Variants in SOBP observed in about 807,000 individuals in gnomAD.
SOBP encodes sine oculis-binding protein homolog.
SOBP carries 4 observed loss-of-function variants against 53.6 expected under a neutral mutation model. The observed-to-expected ratio is 0.07, with a 90% CI of 0.04 to 0.17. The LOEUF (loss-of-function observed/expected upper bound fraction) is 0.17. Among genes scored for constraint, SOBP ranks in the 10% least tolerant of loss-of-function variants. The pLI is 1.00. For synonymous variants in SOBP, 584 were observed against 522.6 expected, an observed-to-expected ratio of 1.12 and a Z score of -1.60; for missense variants, 1,088 against 1,204.7, an observed-to-expected ratio of 0.90 and a Z score of 1.43.
intron 3 of SOBP, among the ~76,000 whole-genome samples, chr6:107,525,517 ACT>A (rs953211861): frequency 6.6e-6 from 1 of 152,086 alleles, no homozygotes; most frequent in African/African-American, 2.4e-5. Context: ...TTTGAATTTG[ACT>A]CTGGAGTCAC....
At chr6:107,593,880 G>C (rs1051827030) in intron 5 of SOBP, among the ~76,000 whole-genome samples, 19 of 152,198 alleles carry the variant, frequency 1.2e-4, no homozygotes, top group Non-Finnish European at 1.8e-4. Context: ...TTTTAATTTG[G>C]GTAAAAGAAC....
At chr6:107,510,788 G>A (rs1021948966) in intron 3 of SOBP, 1 of 152,160 alleles carries the variant, frequency 6.6e-6, no homozygotes, top group African/African-American at 2.4e-5. Context: ...AACAAATAAA[G>A]GGTACAGTGG....
In SOBP at chr6:107,635,386, C is replaced by A; in HGVS notation, c.2542C>A (p.Pro848Thr). The change falls in exon 6 of 7, where the codon CCC becomes ACC. Residue 848 changes from proline to threonine, a missense_variant. Around this residue, in one of 6 missense-constraint regions of SOBP, gnomAD observed 665 missense variants for 629.7 expected, o/e 1.06. Coordinates refer to ENST00000317357, the MANE Select transcript of SOBP (RefSeq NM_018013.4). This position sits in a 1 kb window ranked among gnomAD's most constrained non-coding sequence, Gnocchi z 4.5. Reference sequence around the variant, plus strand: ...CATGGCACCGTGCATCATCTCCTCGCCCATGCTCAGCGCCGGGCCTGAGGA... The same window carrying A: ...CATGGCACCGTGCATCATCTCCTCGACCATGCTCAGCGCCGGGCCTGAGGA... ...AAMAPCIISS[P>T]MLSAGPEDLE... 6.2e-7 allele frequency: 1 copy of A among 1,613,508 alleles called. No individual in the cohort carries two copies. The highest frequency in any genetic ancestry group is 8.5e-7 in the Non-Finnish European group (1 of 1,180,028).
intron 5 of SOBP, among the ~76,000 whole-genome samples, chr6:107,623,130 T>C (rs1048788120): frequency 2.0e-5 from 3 of 152,152 alleles, no homozygotes; most frequent in Admixed American, 6.5e-5. Flanking sequence ...CCCTGGAGTT[T>C]AGAAAAGCAG....
intron 5 of SOBP, among the ~76,000 whole-genome samples, chr6:107,630,621 T>G (rs532669052): frequency 1.1e-4 from 16 of 152,326 alleles, no homozygotes; most frequent in Non-Finnish European, 2.4e-4. Flanking sequence ...ATTCATTATT[T>G]CTTAAGTGAC....
intron 5 of SOBP, among the ~76,000 whole-genome samples, chr6:107,614,580 T>C (rs1466285812): frequency 6.6e-6 from 1 of 152,208 alleles, no homozygotes; most frequent in Non-Finnish European, 1.5e-5. Context: ...AGAAGTCTGC[T>C]AATAAGAGTA....
intron 4 of SOBP, among the ~76,000 whole-genome samples, chr6:107,547,818 G>GT (rs1784345661): frequency 6.6e-6 from 1 of 152,204 alleles, no homozygotes; most frequent in African/African-American, 2.4e-5. Context: ...GTTGTGAGCT[G>GT]TTCCTGGTCT....
At chr6:107,572,299 GC>G (rs1338564563) in intron 4 of SOBP, among the ~76,000 whole-genome samples, 5 of 144,678 alleles carry the variant, frequency 3.5e-5, no homozygotes, top group Admixed American at 7.1e-5. Flanking sequence ...CTGCAAATTT[GC>G]ACACTTTTTT....
At chr6:107,608,063 T>C (rs1786454474) in intron 5 of SOBP, among the ~76,000 whole-genome samples, 1 of 152,224 alleles carries the variant, frequency 6.6e-6, no homozygotes, top group Non-Finnish European at 1.5e-5. Flanking sequence ...TTATGATGAC[T>C]GACACTTTGA....
chr6:107,612,827 G>A (rs1407298354), intron 5 of SOBP, among the ~76,000 whole-genome samples: 1 of 152,086 alleles, frequency 6.6e-6, no homozygotes, highest in Non-Finnish European at 1.5e-5. Flanking sequence ...TAGATGTTAT[G>A]TACAAGTGGA....
chr6:107,555,229 C>T (rs1200542276), intron 4 of SOBP, among the ~76,000 whole-genome samples: 3 of 151,686 alleles, frequency 2.0e-5, no homozygotes, highest in Non-Finnish European at 2.9e-5. Flanking sequence ...CCCTGCAAGG[C>T]ATTTAAAAGG....
intron 4 of SOBP, among the ~76,000 whole-genome samples, chr6:107,554,192 G>T (rs1484988260): frequency 6.6e-6 from 1 of 152,184 alleles, no homozygotes; most frequent in Non-Finnish European, 1.5e-5. Flanking sequence ...AGGGCATTTG[G>T]CCTGAGAGCT....
At chr6:107,498,417 A>G (rs1322999543) in intron 1 of SOBP, among the ~76,000 whole-genome samples, 1 of 152,230 alleles carries the variant, frequency 6.6e-6, no homozygotes, top group Non-Finnish European at 1.5e-5. Context: ...TTTTCAAAAT[A>G]AATAAAATCA....
chr6:107,523,159 T>G (rs1783564141), intron 3 of SOBP, among the ~76,000 whole-genome samples: 1 of 152,188 alleles, frequency 6.6e-6, no homozygotes, highest in African/African-American at 2.4e-5. Flanking sequence ...GAATACGTAG[T>G]GCAGCTCAAG....
At chr6:107,584,266 A>C (rs1019262550) in intron 4 of SOBP, among the ~76,000 whole-genome samples, 8 of 145,786 alleles carry the variant, frequency 5.5e-5, no homozygotes, top group South Asian at 4.4e-4. Context: ...AAAAAAAAAA[A>C]AAAAACACCC....
In SOBP at chr6:107,602,316, G is replaced by T. The variant is rs539350848; in HGVS notation, c.669+15141G>T. Among the ~76,000 whole-genome samples, 3 of 152,256 alleles carry T rather than the reference G, an allele frequency of 2.0e-5. No individual in the cohort carries two copies. In the South Asian group the frequency reaches 6.2e-4, roughly 32 times the overall value. On this transcript the variant is annotated intron_variant, in intron 5 of 6. Transcript: ENST00000317357. The stretch of plus-strand genomic sequence containing the variant: ...CTGTTAAAGTGTTTCAGAGGAGCAG[G>T]GGTTGTCTATCCGAGCAGTGTCTCC...
chr6:107,586,161 A>G (rs1215469653), intron 4 of SOBP, among the ~76,000 whole-genome samples: 1 of 152,218 alleles, frequency 6.6e-6, no homozygotes, highest in Non-Finnish European at 1.5e-5. Context: ...AATGCAGTGT[A>G]AAATGGAATA....
intron 5 of SOBP, among the ~76,000 whole-genome samples, chr6:107,594,638 G>C (rs61362725): frequency 0.46 from 70,570 of 152,028 alleles, 17,973 homozygotes; most frequent in East Asian, 0.74. Flanking sequence ...AGCCATATCT[G>C]CCATAGCAAA....
rs148755671 is a variant in SOBP, at chr6:107,541,590, A to C, written c.573+7980A>C. ...CTCAATGGGTAATAGGAATTTTGAG[A>C]TATTATGACTGCAAATTTTCACTGG... On this transcript the variant is annotated intron_variant, in intron 4 of 6. Transcript: ENST00000317357. 2.4e-4 allele frequency among the ~76,000 whole-genome samples: 36 copies of C among 152,304 alleles called. No homozygotes were observed. The East Asian group carries it at 6.7e-3, about 29-fold the overall frequency.
Sources: gnomAD v4.1 joint callset for allele counts (sites outside exome capture counted in the v4.1 genomes callset) on GRCh38, gnomAD v4.1.1 for gene constraint, gnomAD v4.1.1 regional missense constraint, Gnocchi (gnomAD v3.1) non-coding constraint, MANE v1.5 for transcripts, NCBI Gene and HGNC (gene_info 2026-07-23, HGNC 2026-07-21) for gene names.